Variants in CACNA1I observed in about 807,000 individuals in gnomAD.
CACNA1I encodes the protein calcium voltage-gated channel subunit alpha1 I.
Under a neutral mutation model 201.6 loss-of-function variants are expected in CACNA1I, and 74 were observed. The observed-to-expected ratio is 0.37, with a 90% CI of 0.30 to 0.45. CACNA1I has a LOEUF of 0.45. CACNA1I is among the 20% of genes least tolerant of loss of function. CACNA1I has a pLI of 1.00. For missense variants in CACNA1I, 2,346 were observed against 3,138.1 expected (o/e 0.75, Z 6.03); for synonymous variants, 1,431 against 1,345.2 (o/e 1.06, Z -1.40).
chr22:39,651,198 C>A (rs1026334841), intron 10 of CACNA1I, among the ~76,000 whole-genome samples: 3 of 152,160 alleles, frequency 2.0e-5, no homozygotes, highest in Non-Finnish European at 2.9e-5. Flanking sequence ...AGGTTCGAAC[C>A]AACTTCTTTC....
chr22:39,607,330 C>G (rs1202834237), intron 3 of CACNA1I, among the ~76,000 whole-genome samples: 2 of 152,226 alleles, frequency 1.3e-5, no homozygotes, highest in African/African-American at 2.4e-5. Context: ...CTCAATGTTC[C>G]TCCAACGTCA....
chr22:39,662,821 G>T lies in CACNA1I; in HGVS notation c.3418G>T (p.Asp1140Tyr), dbSNP rs1935070718. ...VRKMIDVYKPDWCEVREDWSV... is the reference protein window; with the variant it reads ...VRKMIDVYKPYWCEVREDWSV... ...CAAGATGATCGACGTCTATAAGCCC[G>T]ACTGGTGCGAGGTCCGCGAAGACTG... Residue 1140 changes from aspartate (D) to tyrosine (Y), a missense_variant, in exon 18 of 37, where the codon GAC becomes TAC. By Grantham distance (160) the Asp-to-Tyr change is radical. Transcript: ENST00000402142. 1 of 1,602,390 alleles carries T rather than the reference G, an allele frequency of 6.2e-7. No homozygotes were observed. The highest frequency in any genetic ancestry group is 2.2e-5 in the East Asian group (1 of 44,486).
At chr22:39,585,147 C>T (rs142824481) in intron 1 of CACNA1I, among the ~76,000 whole-genome samples, 4 of 152,278 alleles carry the variant, frequency 2.6e-5, no homozygotes, top group South Asian at 2.1e-4. Context: ...GCAACCTCTG[C>T]CTCCTGGGTT....
At chr22:39,662,548 C>G (rs910467529) in intron 17 of CACNA1I, 113 bp downstream of exon 17, 1 of 837,396 alleles carries the variant, frequency 1.2e-6, no homozygotes, top group Non-Finnish European at 1.8e-6. Flanking sequence ...GTGGCCGGGG[C>G]GTGGCCGGAG....
In CACNA1I at chr22:39,665,923, C is replaced by G; in HGVS notation, c.4021C>G (p.Arg1341Gly). ...CTACCACTGTCTGGGCGTGGACACC[C>G]GCAACATCACCAACCGCTCGGACTG... ...KFYHCLGVDT[R>G]NITNRSDCMA... The change falls in exon 23 of 37, where the codon CGC becomes GGC. Residue 1341 changes from arginine (R) to glycine (G), a missense_variant. Transcript: ENST00000402142. The surrounding 1 kb of genome is among the most constrained non-coding windows in gnomAD (Gnocchi z 5.5). 9 of 1,613,812 alleles carry G rather than the reference C, an allele frequency of 5.6e-6. No homozygotes were observed. Among genetic ancestry groups the G allele is most frequent in the Non-Finnish European group, 7.6e-6 (9 of 1,179,866 alleles).
Position 39,683,679 on chromosome 22 carries a change from GT to G in CACNA1I, c.5831-622del, listed in dbSNP as rs1173291375. ...CAACCTGCAAGGTGTGGAGGGGACT[GT>G]GGGCAGAGGCTGCTGCTACCCCCCA... On this transcript the variant is annotated intron_variant, in intron 35 of 36. Coordinates refer to ENST00000402142, the MANE Select transcript of CACNA1I (RefSeq NM_021096.4). 2.6e-5 allele frequency among the ~76,000 whole-genome samples: 4 copies of G among 152,298 alleles called. No individual in the cohort carries two copies. In the East Asian group the frequency reaches 5.8e-4, roughly 22 times the overall value.
Position 39,685,415 on chromosome 22 carries a change from C to A in CACNA1I, c.6028-346C>A, listed in dbSNP as rs1374053730. Among the ~76,000 whole-genome samples, 24 of 124,092 alleles carry A rather than the reference C, an allele frequency of 1.9e-4. No individual in the cohort carries two copies. Among genetic ancestry groups the A allele is most frequent in the Middle Eastern group, 4.9e-3 (1 of 204 alleles). 81.4% of individuals were successfully genotyped at this position (124,092 alleles called of 152,430 possible). On this transcript the variant is annotated intron_variant, in intron 36 of 36. Coordinates refer to ENST00000402142, the MANE Select transcript of CACNA1I (RefSeq NM_021096.4). This position sits in a 1 kb window ranked among gnomAD's most constrained non-coding sequence, Gnocchi z 5.0. ...CAGTGGGAGCAGCCAAGGCTGGGGCCGCGTCAGACCATGGGGGGTGCGGTG... is the reference window on the plus strand; with the variant it reads ...CAGTGGGAGCAGCCAAGGCTGGGGCAGCGTCAGACCATGGGGGGTGCGGTG...
intron 34 of CACNA1I, among the ~76,000 whole-genome samples, chr22:39,682,243 C>T (rs939098152): frequency 1.3e-5 from 2 of 152,224 alleles, no homozygotes. Context: ...CCAGCCTTGA[C>T]CTGGCTTCTT....
chr22:39,576,330 G>A (rs1357569157), intron 1 of CACNA1I, among the ~76,000 whole-genome samples: 2 of 152,190 alleles, frequency 1.3e-5, no homozygotes, highest in Non-Finnish European at 1.5e-5. Context: ...TGGGGATAGG[G>A]GCTCTCATAG....
chr22:39,644,862 A>AT (rs148171358), intron 7 of CACNA1I, among the ~76,000 whole-genome samples: 1 of 150,438 alleles, frequency 6.6e-6, no homozygotes, highest in Non-Finnish European at 1.5e-5. Flanking sequence ...TAATGTTTAA[A>AT]TTTTTTTTTG....
chr22:39,665,682 TCAGA>T lies in CACNA1I; in HGVS notation c.3978+62_3978+65del. On this transcript the variant is annotated intron_variant, in intron 22 of 36. Coordinates refer to ENST00000402142, the MANE Select transcript of CACNA1I (RefSeq NM_021096.4). The surrounding 1 kb of genome is among the most constrained non-coding windows in gnomAD (Gnocchi z 5.5). Reference sequence around the variant, plus strand: ...CTCTGTGACTGGGGAAAAGGAAGTCTCAGACAGCCAGGGGAGAGACTCCACATTC... The same window carrying T: ...CTCTGTGACTGGGGAAAAGGAAGTCTCAGCCAGGGGAGAGACTCCACATTC... The T allele has an allele frequency of 1.3e-6, 2 of 1,593,632 alleles. No individual in the cohort carries two copies. Among genetic ancestry groups the T allele is most frequent in the Non-Finnish European group, 1.7e-6 (2 of 1,165,786 alleles).
chr22:39,655,777 A>G (rs1934798056), intron 10 of CACNA1I, among the ~76,000 whole-genome samples: 1 of 152,112 alleles, frequency 6.6e-6, no homozygotes, highest in Non-Finnish European at 1.5e-5. Context: ...GTCCCGGAGA[A>G]ATGCTTTCAT....
chr22:39,617,421 C>T (rs1449389935), intron 3 of CACNA1I, among the ~76,000 whole-genome samples: 3 of 151,776 alleles, frequency 2.0e-5, no homozygotes, highest in Admixed American at 1.3e-4. Flanking sequence ...CCCCACCCCG[C>T]CCCCCACAGG....
Position 39,676,821 on chromosome 22 carries a change from G to A in CACNA1I, c.4855-520G>A, listed in dbSNP as rs535118889. 1.3e-5 allele frequency among the ~76,000 whole-genome samples: 2 copies of A among 152,296 alleles called. No individual in the cohort carries two copies. Among genetic ancestry groups the A allele is most frequent in the Admixed American group, 1.3e-4 (2 of 15,300 alleles). On this transcript the variant is annotated intron_variant, in intron 29 of 36. Transcript: ENST00000402142. The surrounding 1 kb of genome is among the most constrained non-coding windows in gnomAD (Gnocchi z 4.8). ...TCGGTGGTTTCGTAGAGGAGCTAGT[G>A]TTAGAGCTGAGACCTCCTGCCTTCT...
intron 4 of CACNA1I, among the ~76,000 whole-genome samples, chr22:39,624,418 C>T (rs1021578037): frequency 2.6e-5 from 4 of 152,280 alleles, no homozygotes; most frequent in Non-Finnish European, 4.4e-5. Flanking sequence ...GAGCGGGCTC[C>T]GAGCCTTTCC....
Position 39,646,671 on chromosome 22 carries a change from C to A in CACNA1I, c.1252C>A (p.Arg418Ser). The change falls in exon 8 of 37, where the codon CGC becomes AGC. Residue 418 changes from arginine (R) to serine (S), a missense_variant. Transcript: ENST00000402142. ...CCGGCTGATGCTGGAGCAGCGGCAG[C>A]GCTACCTGTCCTCCAGCACGGTGGC... ...EHRLMLEQRQRYLSSSTVASY... is the reference protein window; with the variant it reads ...EHRLMLEQRQSYLSSSTVASY... 1 of 1,581,516 alleles carries A rather than the reference C, an allele frequency of 6.3e-7. No homozygotes were observed. Among genetic ancestry groups the A allele is most frequent in the East Asian group, 2.3e-5 (1 of 42,886 alleles).
intron 3 of CACNA1I, among the ~76,000 whole-genome samples, chr22:39,605,469 C>T (rs937482190): frequency 5.3e-5 from 8 of 152,138 alleles, no homozygotes; most frequent in African/African-American, 1.9e-4. Context: ...CCGGATGGTA[C>T]CATTCATTCA....
At position 39,668,273 on chromosome 22, in the gene CACNA1I, G is replaced by T; in HGVS notation, c.4105-19G>T. ...CTCACAGTCCTCACCCCTGCATTCC[G>T]CCTCCCCATGTCTCCCAGGCTCTGA... On this transcript the variant is annotated intron_variant, in intron 23 of 36. Transcript: ENST00000402142. 1 of 1,552,744 alleles carries T rather than the reference G, an allele frequency of 6.4e-7. No homozygotes were observed. The highest frequency in any genetic ancestry group is 8.9e-7 in the Non-Finnish European group (1 of 1,124,692).
intron 26 of CACNA1I, among the ~76,000 whole-genome samples, chr22:39,671,897 C>T (rs1035210573): frequency 6.6e-6 from 1 of 152,122 alleles, no homozygotes; most frequent in Non-Finnish European, 1.5e-5. Flanking sequence ...ATGGAGTGAG[C>T]ACTAAGCCAG....
Sources: allele counts gnomAD v4.1 joint callset (sites outside exome capture counted in the v4.1 genomes callset), GRCh38; gene constraint gnomAD v4.1.1; non-coding constraint Gnocchi (gnomAD v3.1); transcripts MANE v1.5; gene names NCBI Gene and HGNC (gene_info 2026-07-23, HGNC 2026-07-21).